Variants in SOBP observed in about 807,000 individuals in gnomAD.
The protein encoded by SOBP is sine oculis binding protein homolog.
SOBP carries 4 observed loss-of-function variants against 53.6 expected under a neutral mutation model. The ratio of observed to expected loss-of-function variants is 0.07; its 90% CI spans 0.04 to 0.17. SOBP has a LOEUF of 0.17. SOBP is among the 10% of genes least tolerant of loss of function. The probability of loss-of-function intolerance (pLI) is 1.00; values close to 1 mark genes in which losing one functional copy is unlikely to be tolerated. For synonymous variants in SOBP, 584 were observed against 522.6 expected, an observed-to-expected ratio of 1.12 and a Z score of -1.60; for missense variants, 1,088 against 1,204.7, an observed-to-expected ratio of 0.90 and a Z score of 1.43.
rs1554291805 is a variant in SOBP, at chr6:107,532,272, CCA to C, written c.422-1170_422-1169del. Among the ~76,000 whole-genome samples the C allele has an allele frequency of 1.1e-3, 116 of 108,098 alleles. 2 individuals carry two copies. The East Asian group carries it at 0.019, about 18-fold the overall frequency. The allele number at this position is 108,098 out of a possible 152,430, so 70.9% of individuals were successfully genotyped here. On this transcript the variant is annotated intron_variant, in intron 3 of 6. Transcript: ENST00000317357. ...ACACACACACACACACACACACACA[CCA>C]CACACACACACACACAGTCACTATC...
At chr6:107,602,568 T>TAAAAAAAAAA (rs71810335) in intron 5 of SOBP, among the ~76,000 whole-genome samples, 10,573 of 101,286 alleles carry the variant, frequency 0.1, 596 homozygotes, top group East Asian at 0.19. Flanking sequence ...TAAGCCGCGT[T>TAAAAAAAAAA]AAAAAAAAAA....
At chr6:107,632,766 G>GA (rs1314131939) in intron 5 of SOBP, among the ~76,000 whole-genome samples, 3 of 152,106 alleles carry the variant, frequency 2.0e-5, no homozygotes, top group Non-Finnish European at 4.4e-5. Flanking sequence ...TTGAAGGGGG[G>GA]AAAAAGCCAT....
intron 4 of SOBP, among the ~76,000 whole-genome samples, chr6:107,550,131 A>G (rs1201227408): frequency 2.0e-5 from 3 of 152,262 alleles, no homozygotes; most frequent in Non-Finnish European, 4.4e-5. Flanking sequence ...GGCAGCTGCT[A>G]ACAGGAACAG....
intron 3 of SOBP, among the ~76,000 whole-genome samples, chr6:107,521,495 T>G (rs1171550441): frequency 1.3e-5 from 2 of 152,198 alleles, no homozygotes; most frequent in African/African-American, 2.4e-5. Flanking sequence ...AATCCAGGTC[T>G]CATATGCAGG....
intron 5 of SOBP, among the ~76,000 whole-genome samples, chr6:107,623,030 T>C (rs1343770457): frequency 6.6e-6 from 1 of 152,188 alleles, no homozygotes; most frequent in Admixed American, 6.5e-5. Context: ...AGGGTAGAGC[T>C]ACTTGGAATG....
rs1264303758 is a variant in SOBP, at chr6:107,532,239, TCTCACA to T, written c.422-1218_422-1213del. Reference sequence around the variant, plus strand: ...AGATGTGGCAATCAGTCTCTCTCTCTCTCACACACACACACACACACACACACACAC... The same window carrying T: ...AGATGTGGCAATCAGTCTCTCTCTCTCACACACACACACACACACACACAC... On this transcript the variant is annotated intron_variant, in intron 3 of 6. Coordinates refer to ENST00000317357, the MANE Select transcript of SOBP (RefSeq NM_018013.4). 1.5e-3 allele frequency among the ~76,000 whole-genome samples: 102 copies of T among 66,924 alleles called. 1 individual carries two copies. The highest frequency in any genetic ancestry group is 3.3e-3 in the Non-Finnish European group (81 of 24,808). 43.9% of individuals were successfully genotyped at this position (66,924 alleles called of 152,430 possible).
intron 2 of SOBP, among the ~76,000 whole-genome samples, chr6:107,505,740 T>A (rs1413508736): frequency 6.6e-6 from 1 of 152,200 alleles, no homozygotes; most frequent in Admixed American, 6.5e-5. Flanking sequence ...AACCTCGGCC[T>A]CGCAGATTCA....
intron 1 of SOBP, among the ~76,000 whole-genome samples, chr6:107,502,326 A>G (rs964263409): frequency 6.6e-6 from 1 of 152,204 alleles, no homozygotes; most frequent in African/African-American, 2.4e-5. Flanking sequence ...GCCACAAAGA[A>G]GGTTAGAATA....
chr6:107,590,443 A>G (rs1441986570), intron 5 of SOBP, among the ~76,000 whole-genome samples: 1 of 152,186 alleles, frequency 6.6e-6, no homozygotes, highest in Non-Finnish European at 1.5e-5. Context: ...ATTTGGTTGG[A>G]AAAAAAGCCA....
chr6:107,509,395 C>CA (rs1209752245), intron 3 of SOBP, among the ~76,000 whole-genome samples: 2,149 of 65,226 alleles, frequency 0.033, 29 homozygotes, highest in African/African-American at 0.046. Context: ...ACTCCTGTCT[C>CA]AAAAAAAAAA....
chr6:107,533,335 ACTT>A (rs1279708964), intron 3 of SOBP, 121 bp from the exon 4 acceptor site: 30 of 752,074 alleles, frequency 4.0e-5, no homozygotes, highest in African/African-American at 3.6e-5. Flanking sequence ...AAGAAAAAGC[ACTT>A]CTTCTCCAAG....
intron 3 of SOBP, 127 bp downstream of exon 3, chr6:107,506,554 AATG>A (rs1306194965): frequency 2.1e-5 from 21 of 985,242 alleles, no homozygotes; most frequent in Non-Finnish European, 3.1e-5. Flanking sequence ...ATAGGTAAGA[AATG>A]TTAATACAGG....
At chr6:107,562,030 CTTTTT>C (rs1213715418) in intron 4 of SOBP, among the ~76,000 whole-genome samples, 2 of 130,638 alleles carry the variant, frequency 1.5e-5, no homozygotes, top group Non-Finnish European at 1.7e-5. Flanking sequence ...CTCCCTGGTT[CTTTTT>C]TTTTTTTTTT....
intron 4 of SOBP, among the ~76,000 whole-genome samples, chr6:107,573,896 T>C (rs556901879): frequency 1.1e-4 from 17 of 152,362 alleles, no homozygotes; most frequent in African/African-American, 3.4e-4. Context: ...TTTACTGTTA[T>C]CATTGAACTT....
At chr6:107,648,870 G>A (rs1224741580) in intron 6 of SOBP, among the ~76,000 whole-genome samples, 1 of 152,100 alleles carries the variant, frequency 6.6e-6, no homozygotes, top group Non-Finnish European at 1.5e-5. Flanking sequence ...ATATAAAAAT[G>A]CCTGGTGCTG....
In SOBP at chr6:107,506,335, G is replaced by C; in HGVS notation, c.329G>C (p.Gly110Ala). 1 of 1,614,068 alleles carries C rather than the reference G, an allele frequency of 6.2e-7. No homozygotes were observed. Among genetic ancestry groups the C allele is most frequent in the Non-Finnish European group, 8.5e-7 (1 of 1,180,002 alleles). ...TATTCAGGGCTTGCCACTGGAAATGGACTCAGTGACTCACCTGCAGGGTCA... is the reference window on the plus strand; with the variant it reads ...TATTCAGGGCTTGCCACTGGAAATGCACTCAGTGACTCACCTGCAGGGTCA... ...TGYSGLATGN[G>A]LSDSPAGSKD... The change falls in exon 3 of 7, where the codon GGA (glycine) becomes GCA (alanine). Residue 110 changes from glycine to alanine, a missense_variant. Transcript: ENST00000317357.
chr6:107,559,742 G>A (rs141377992), intron 4 of SOBP, among the ~76,000 whole-genome samples: 30 of 152,350 alleles, frequency 2.0e-4, no homozygotes, highest in Non-Finnish European at 1.5e-5. Context: ...CTTATTTTGT[G>A]TTGTGTGAGA....
At chr6:107,603,152 G>A (rs1398173687) in intron 5 of SOBP, among the ~76,000 whole-genome samples, 1 of 152,154 alleles carries the variant, frequency 6.6e-6, no homozygotes, top group East Asian at 1.9e-4. Context: ...GATTTGCTTT[G>A]TTGATGTTTT....
intron 3 of SOBP, among the ~76,000 whole-genome samples, chr6:107,523,849 C>T (rs533413617): frequency 1.3e-5 from 2 of 152,234 alleles, no homozygotes; most frequent in East Asian, 1.9e-4. Context: ...GCACATTGGC[C>T]TTTTACACTA....
Sources: gnomAD v4.1 joint callset for allele counts (sites outside exome capture counted in the v4.1 genomes callset) on GRCh38, gnomAD v4.1.1 for gene constraint, MANE v1.5 for transcripts, NCBI Gene and HGNC (gene_info 2026-07-23, HGNC 2026-07-21) for gene names.